IFT56: variants seen among roughly 807,000 people sequenced by gnomAD.
The protein encoded by IFT56 is intraflagellar transport protein 56.
At chr7:139,172,681 G>A in the IFT56 span, 10 of 619,692 alleles carry the variant, frequency 1.6e-5, no homozygotes, top group Non-Finnish European at 2.8e-5. Flanking sequence ...TCTTTCCAAG[G>A]ATTTCTGGAA....
the IFT56 span, among the ~76,000 whole-genome samples, chr7:139,170,275 C>G: frequency 1.3e-5 from 2 of 152,072 alleles, no homozygotes; most frequent in African/African-American, 4.8e-5. Context: ...AGAATTCTAC[C>G]AAACATTTAA....
the IFT56 span, among the ~76,000 whole-genome samples, chr7:139,185,020 C>G: frequency 6.7e-6 from 1 of 149,814 alleles, no homozygotes; most frequent in Non-Finnish European, 1.5e-5. Flanking sequence ...CGCCACTGCA[C>G]TCCAGCCTGG....
At chr7:139,173,080 G>A in the IFT56 span, 1 of 731,546 alleles carries the variant, frequency 1.4e-6, no homozygotes, top group Non-Finnish European at 2.5e-6. Context: ...TTTGTGGGTG[G>A]CTGGTTCACT....
At chr7:139,150,946 ATTAT>A in the IFT56 span, among the ~76,000 whole-genome samples, 1 of 152,218 alleles carries the variant, frequency 6.6e-6, no homozygotes, top group Admixed American at 6.5e-5. Context: ...CATTCTGCTT[ATTAT>A]TTGTCAGTTG....
At chr7:139,186,426 T>TAA in the IFT56 span, among the ~76,000 whole-genome samples, 1 of 137,598 alleles carries the variant, frequency 7.3e-6, no homozygotes, top group South Asian at 2.3e-4. Flanking sequence ...ATCCTATCTC[T>TAA]AAAAAAAAAA....
the IFT56 span, chr7:139,148,326 C>T: frequency 6.2e-7 from 1 of 1,613,860 alleles, no homozygotes; most frequent in Non-Finnish European, 8.5e-7. Context: ...CCATCGCACT[C>T]AATCTTAAAG....
chr7:139,147,107 T>A, the IFT56 span: 1 of 1,608,716 alleles, frequency 6.2e-7, no homozygotes, highest in South Asian at 1.1e-5. Flanking sequence ...AACACTAATA[T>A]GAATCTTTAC....
chr7:139,168,583 A>C, the IFT56 span: 121 of 504,674 alleles, frequency 2.4e-4, no homozygotes, highest in South Asian at 4.5e-4. Context: ...AAAAAAAAAC[A>C]AAAAAAAAAC....
the IFT56 span, among the ~76,000 whole-genome samples, chr7:139,179,880 T>C: frequency 2.6e-5 from 4 of 152,194 alleles, no homozygotes; most frequent in African/African-American, 9.7e-5. Flanking sequence ...CTAGTACTTA[T>C]AGCCTGAAAA....
the IFT56 span, among the ~76,000 whole-genome samples, chr7:139,177,227 AGT>A: frequency 7.9e-5 from 12 of 151,016 alleles, no homozygotes; most frequent in Non-Finnish European, 1.5e-4. Context: ...ATATATGTAT[AGT>A]GTGTGTGTGT....
the IFT56 span, chr7:139,173,347 C>T: frequency 2.1e-6 from 1 of 470,014 alleles, no homozygotes; most frequent in Non-Finnish European, 3.8e-6. Context: ...CTTGCCTCAG[C>T]CTCCCGAGTA....
chr7:139,161,322 G>C, the IFT56 span: 1 of 298,056 alleles, frequency 3.4e-6, no homozygotes, highest in Non-Finnish European at 6.1e-6. Flanking sequence ...TAAAATAAAT[G>C]GGAAATATTT....
At chr7:139,184,813 G>A in the IFT56 span, among the ~76,000 whole-genome samples, 69 of 150,816 alleles carry the variant, frequency 4.6e-4, 1 homozygote, top group African/African-American at 1.7e-3. Flanking sequence ...CCAGCACTTT[G>A]GGAGGCTGAG....
chr7:139,144,954 T>C, the IFT56 span, among the ~76,000 whole-genome samples: 1 of 152,204 alleles, frequency 6.6e-6, no homozygotes, highest in Non-Finnish European at 1.5e-5. Flanking sequence ...ATCTCCTGGT[T>C]TGCTTGGCAA....
the IFT56 span, among the ~76,000 whole-genome samples, chr7:139,143,805 A>C: frequency 0.035 from 5,394 of 152,006 alleles, 144 homozygotes; most frequent in South Asian, 0.12. Flanking sequence ...TTTTAAAACT[A>C]TATATTTATC....
chr7:139,158,313 C>CAAA, the IFT56 span, among the ~76,000 whole-genome samples: 2 of 115,450 alleles, frequency 1.7e-5, no homozygotes, highest in African/African-American at 4.3e-5. Context: ...GACGCCATCT[C>CAAA]AAAAAAAAAA....
chr7:139,155,853 C>G, the IFT56 span, among the ~76,000 whole-genome samples: 1 of 152,056 alleles, frequency 6.6e-6, no homozygotes, highest in African/African-American at 2.4e-5. Flanking sequence ...GGTATTAACT[C>G]TTCTTTAAGT....
chr7:139,182,772 C>T, the IFT56 span, among the ~76,000 whole-genome samples: 1 of 151,800 alleles, frequency 6.6e-6, no homozygotes, highest in Non-Finnish European at 1.5e-5. Context: ...AGAGGATGAA[C>T]AGAAGAGAAG....
At chr7:139,154,693 C>A in the IFT56 span, among the ~76,000 whole-genome samples, 1 of 152,174 alleles carries the variant, frequency 6.6e-6, no homozygotes, top group Non-Finnish European at 1.5e-5. Flanking sequence ...TTCCATTGGT[C>A]TATATGTGTA....
Sources: allele counts gnomAD v4.1 joint callset (sites outside exome capture counted in the v4.1 genomes callset), GRCh38; gene constraint gnomAD v4.1.1; transcripts MANE v1.5; gene names NCBI Gene and HGNC (gene_info 2026-07-23, HGNC 2026-07-21).